DAGLA: variants seen among roughly 807,000 people sequenced by gnomAD.
The protein encoded by DAGLA is diacylglycerol lipase alpha.
A neutral mutation model predicts 102.6 loss-of-function variants in DAGLA; 22 were observed. The observed-to-expected ratio is 0.21, with a 90% CI of 0.15 to 0.31. DAGLA has a LOEUF of 0.31. Among genes scored for constraint, DAGLA ranks in the 10% least tolerant of loss-of-function variants. The pLI is 1.00. For missense variants in DAGLA, 927 were observed against 1,446.6 expected (o/e 0.64, Z 5.83); for synonymous variants, 578 against 628.9 (o/e 0.92, Z 1.21).
intron 1 of DAGLA, among the ~76,000 whole-genome samples, chr11:61,697,439 C>T (rs1315117254): frequency 2.0e-5 from 3 of 152,122 alleles, no homozygotes; most frequent in African/African-American, 7.2e-5. Flanking sequence ...CGTGGCTGAG[C>T]CCCAGGTGGT....
At position 61,745,975 on chromosome 11, in the gene DAGLA, G is replaced by C. The variant is rs879236939; in HGVS notation, c.*1486G>C. On this transcript the variant is annotated 3_prime_UTR_variant, in exon 20 of 20. Coordinates refer to ENST00000257215, the MANE Select transcript of DAGLA (RefSeq NM_006133.3). Reference sequence around the variant, plus strand: ...TTGGAAAACTGGTGTGTACCGAGGCGCTGACTGCACGGCTGACCGCCTGCT... The same window carrying C: ...TTGGAAAACTGGTGTGTACCGAGGCCCTGACTGCACGGCTGACCGCCTGCT... The C allele has an allele frequency of 6.6e-6, 1 of 152,444 alleles. No individual in the cohort carries two copies. Among genetic ancestry groups the C allele is most frequent in the African/African-American group, 2.4e-5 (1 of 41,448 alleles). The allele number at this position is 152,444 out of a possible 1,614,324, so 9.4% of individuals were successfully genotyped here. A position where few individuals can be genotyped will look rare whatever the true frequency, so the allele number is the denominator to read the frequency against.
At chr11:61,712,829 C>G (rs775316004) in intron 1 of DAGLA, among the ~76,000 whole-genome samples, 2 of 152,188 alleles carry the variant, frequency 1.3e-5, no homozygotes, top group Non-Finnish European at 2.9e-5. Context: ...CCTACTGTCT[C>G]TGTGTTTGTG....
chr11:61,688,524 G>A (rs2065002541), intron 1 of DAGLA, among the ~76,000 whole-genome samples: 2 of 152,182 alleles, frequency 1.3e-5, no homozygotes, highest in South Asian at 2.1e-4. Flanking sequence ...GGAGTGGGGC[G>A]GGAGATCCTT....
At chr11:61,732,572 C>T (rs1434391330) in intron 9 of DAGLA, among the ~76,000 whole-genome samples, 6 of 152,200 alleles carry the variant, frequency 3.9e-5, no homozygotes, top group African/African-American at 1.2e-4. Context: ...TTTCAGAACC[C>T]AGGGTATCAC....
intron 1 of DAGLA, among the ~76,000 whole-genome samples, chr11:61,709,456 G>A (rs1054857238): frequency 1.8e-4 from 27 of 152,180 alleles, no homozygotes; most frequent in African/African-American, 6.3e-4. Context: ...GGCTGGTCTC[G>A]AACTCCTGAC....
rs765368934 is a variant in DAGLA, at chr11:61,738,121, C to G, written c.1584-14C>G. On this transcript the variant is annotated splice_polypyrimidine_tract_variant and intron_variant, in intron 15 of 19. Coordinates refer to ENST00000257215, the MANE Select transcript of DAGLA (RefSeq NM_006133.3). ...CCAGGCCTGGCTGACGGCCCTGTCT[C>G]GTTCCCTCCCCAGGATTGGCCTCTC... 2 of 1,611,650 alleles carry G rather than the reference C, an allele frequency of 1.2e-6. No individual in the cohort carries two copies. The highest frequency in any genetic ancestry group is 4.5e-5 in the East Asian group (2 of 44,864).
chr11:61,718,350 C>A (rs1328982634), intron 1 of DAGLA, among the ~76,000 whole-genome samples: 1 of 152,138 alleles, frequency 6.6e-6, no homozygotes, highest in Non-Finnish European at 1.5e-5. Context: ...GGGCTCCTGG[C>A]AGCCCCGACA....
intron 8 of DAGLA, among the ~76,000 whole-genome samples, chr11:61,729,581 A>T (rs1044667630): frequency 6.6e-6 from 1 of 152,152 alleles, no homozygotes; most frequent in Non-Finnish European, 1.5e-5. Flanking sequence ...TGGAGCGTGC[A>T]TCTGCTCTGA....
intron 10 of DAGLA, 137 bp downstream of exon 10, chr11:61,735,139 C>T: frequency 9.8e-7 from 1 of 1,021,642 alleles, no homozygotes; most frequent in Non-Finnish European, 1.5e-6. Flanking sequence ...GCATCCCTAG[C>T]TGGGCAGACC....
At chr11:61,709,788 G>A (rs1329382455) in intron 1 of DAGLA, among the ~76,000 whole-genome samples, 2 of 152,182 alleles carry the variant, frequency 1.3e-5, no homozygotes, top group African/African-American at 4.8e-5. Flanking sequence ...AAGAGCTCCT[G>A]TTACGAAGTC....
Position 61,744,559 on chromosome 11 carries a change from C to G in DAGLA, c.*70C>G. ...CCCTGTGGGCACCTGGTGCCTGCCC[C>G]CTGCCGGGCAGCTTTAAGGACAGAC... On this transcript the variant is annotated 3_prime_UTR_variant, in exon 20 of 20. Transcript: ENST00000257215. 1 of 1,358,556 alleles carries G rather than the reference C, an allele frequency of 7.4e-7. No homozygotes were observed. The highest frequency in any genetic ancestry group is 1.0e-6 in the Non-Finnish European group (1 of 999,094). The allele number at this position is 1,358,556 out of a possible 1,614,324, so 84.2% of individuals were successfully genotyped here. A position where few individuals can be genotyped will look rare whatever the true frequency, so the allele number is the denominator to read the frequency against.
intron 3 of DAGLA, 99 bp from the exon 4 acceptor site, chr11:61,722,760 C>A: frequency 2.0e-6 from 2 of 1,020,470 alleles, no homozygotes; most frequent in Non-Finnish European, 3.0e-6. Flanking sequence ...ACTGAGCTGG[C>A]TGAAAGCCCA....
chr11:61,737,618 G>GC (rs1179759738), intron 14 of DAGLA, 69 bp from the exon 15 acceptor site: 4 of 1,438,446 alleles, frequency 2.8e-6, no homozygotes, highest in Non-Finnish European at 2.9e-6. Flanking sequence ...TTGTGGCTGG[G>GC]CCCCCCGATT....
At chr11:61,726,251 C>T (rs1383995039) in intron 6 of DAGLA, among the ~76,000 whole-genome samples, 169 bp downstream of exon 6, 3 of 152,200 alleles carry the variant, frequency 2.0e-5, no homozygotes, top group Admixed American at 1.3e-4. Flanking sequence ...TTCACTGAGC[C>T]ACTCGCTCCA....
At chr11:61,741,079 G>T (rs968144684) in intron 18 of DAGLA, 83 bp from the exon 19 acceptor site, 4 of 1,366,522 alleles carry the variant, frequency 2.9e-6, no homozygotes, top group African/African-American at 2.9e-5. Flanking sequence ...GGCCTGAGAG[G>T]CCTGGGCCCT....
intron 1 of DAGLA, among the ~76,000 whole-genome samples, chr11:61,702,626 C>G (rs1374431807): frequency 6.6e-6 from 1 of 152,222 alleles, no homozygotes; most frequent in African/African-American, 2.4e-5. Context: ...CAGGCCATGG[C>G]TGAGGTGCCC....
intron 19 of DAGLA, among the ~76,000 whole-genome samples, chr11:61,742,014 A>G (rs1156253877): frequency 1.3e-5 from 2 of 152,240 alleles, no homozygotes; most frequent in African/African-American, 4.8e-5. Context: ...CACAATTATT[A>G]GTTATAAGTA....
chr11:61,737,365 G>A (rs1304969958), intron 14 of DAGLA, 41 bp downstream of exon 14: 1 of 1,604,558 alleles, frequency 6.2e-7, no homozygotes, highest in East Asian at 2.2e-5. Context: ...GGGCAGTTGG[G>A]ACCAGTGGAG....
chr11:61,728,707 C>T (rs2065351141), intron 7 of DAGLA, among the ~76,000 whole-genome samples: 1 of 152,220 alleles, frequency 6.6e-6, no homozygotes, highest in Non-Finnish European at 1.5e-5. Context: ...CCAGGAATGT[C>T]CTCAGGGGCT....
Sources: gnomAD v4.1 joint callset for allele counts (sites outside exome capture counted in the v4.1 genomes callset) on GRCh38, gnomAD v4.1.1 for gene constraint, MANE v1.5 for transcripts, NCBI Gene and HGNC (gene_info 2026-07-23, HGNC 2026-07-21) for gene names.